Variants in SPHKAP observed in about 807,000 individuals in gnomAD.
SPHKAP encodes the protein SPHK1 interactor, AKAP domain containing.
SPHKAP carries 67 observed loss-of-function variants against 137.5 expected under a neutral mutation model. The ratio of observed to expected loss-of-function variants is 0.49; its 90% confidence interval spans 0.40 to 0.60. The LOEUF is 0.60. SPHKAP is among the 20% of genes least tolerant of loss of function. The pLI, the probability that SPHKAP is intolerant of heterozygous loss-of-function variation, is 0.00. For synonymous variants in SPHKAP, 813 were observed against 785.3 expected (o/e 1.04, Z -0.59); for missense variants, 2,097 against 2,069.3 (o/e 1.01, Z -0.26).
intron 2 of SPHKAP, among the ~76,000 whole-genome samples, chr2:228,111,896 T>A (rs1271756153): frequency 3.3e-5 from 5 of 152,154 alleles, no homozygotes; most frequent in Admixed American, 1.3e-4. Flanking sequence ...GCATCTATTT[T>A]TTTTTGTAAA....
chr2:228,103,974 T>A (rs1281219323), intron 3 of SPHKAP, among the ~76,000 whole-genome samples: 2 of 152,050 alleles, frequency 1.3e-5, no homozygotes, highest in Non-Finnish European at 2.9e-5. Flanking sequence ...GAAACACATG[T>A]ACATGCAGAG....
intron 3 of SPHKAP, among the ~76,000 whole-genome samples, chr2:228,090,980 A>G (rs573133336): frequency 7.2e-5 from 11 of 152,202 alleles, no homozygotes; most frequent in Non-Finnish European, 1.5e-4. Flanking sequence ...GCAGACTAAT[A>G]CATATGGCAG....
intron 2 of SPHKAP, among the ~76,000 whole-genome samples, chr2:228,128,731 C>T (rs1699154674): frequency 6.6e-6 from 1 of 152,110 alleles, no homozygotes. Flanking sequence ...TGTTAGCAGG[C>T]ATGAAAACAT....
intron 1 of SPHKAP, among the ~76,000 whole-genome samples, chr2:228,163,214 GT>G (rs1471711066): frequency 2.0e-5 from 3 of 152,198 alleles, no homozygotes; most frequent in East Asian, 3.9e-4. Flanking sequence ...ACAACCCAAT[GT>G]TTTTCTGGTA....
chr2:228,032,659 T>A (rs1313026490), intron 3 of SPHKAP, among the ~76,000 whole-genome samples: 3 of 152,168 alleles, frequency 2.0e-5, no homozygotes, highest in Non-Finnish European at 4.4e-5. Flanking sequence ...GGGAAGCCCA[T>A]CAGACTAACA....
intron 2 of SPHKAP, among the ~76,000 whole-genome samples, chr2:228,118,115 C>T (rs1419977543): frequency 6.6e-6 from 1 of 151,814 alleles, no homozygotes; most frequent in Non-Finnish European, 1.5e-5. Context: ...TAATACGTAG[C>T]CTTTTATGAC....
chr2:228,108,190 G>A (rs1365322367), intron 3 of SPHKAP, among the ~76,000 whole-genome samples: 1 of 152,110 alleles, frequency 6.6e-6, no homozygotes, highest in Non-Finnish European at 1.5e-5. Flanking sequence ...TTAGAGCTAG[G>A]TGATTTCAAT....
intron 3 of SPHKAP, among the ~76,000 whole-genome samples, 159 bp downstream of exon 3, chr2:228,108,673 A>G (rs1014451716): frequency 6.6e-5 from 10 of 152,176 alleles, no homozygotes; most frequent in Non-Finnish European, 1.5e-4. Context: ...TCTGAATGCT[A>G]TTTTGTTAAC....
In SPHKAP at chr2:228,021,886, T is replaced by G; in HGVS notation, c.522A>C (p.Glu174Asp). The G allele has an allele frequency of 6.2e-7, 1 of 1,614,120 alleles. No individual in the cohort carries two copies. The highest frequency in any genetic ancestry group is 8.5e-7 in the Non-Finnish European group (1 of 1,179,980). The change falls in exon 6 of 12, where the codon GAA becomes GAC. Residue 174 changes from glutamate to aspartate, a missense_variant. Glu to Asp is a conservative substitution (Grantham distance 45). Coordinates refer to ENST00000392056, the MANE Select transcript of SPHKAP (RefSeq NM_001142644.2). Reference protein sequence around the residue: ...RPNSTNCIIFEINKFLIGLEL... With the variant: ...RPNSTNCIIFDINKFLIGLEL... ...CCAGACCAATCAGAAATTTGTTGAT[T>G]TCAAAGATGATGCAGTTGGTACTGT...
intron 2 of SPHKAP, among the ~76,000 whole-genome samples, chr2:228,120,935 G>T (rs1698881912): frequency 6.6e-6 from 1 of 152,172 alleles, no homozygotes; most frequent in Non-Finnish European, 1.5e-5. Flanking sequence ...ATAGAGGACA[G>T]CTGATTAATT....
chr2:228,086,632 C>T (rs965550188), intron 3 of SPHKAP, among the ~76,000 whole-genome samples: 5 of 152,100 alleles, frequency 3.3e-5, no homozygotes, highest in Admixed American at 2.0e-4. Flanking sequence ...GGAAGAGGTT[C>T]CACACTAAGA....
chr2:228,090,461 G>A (rs1407650910), intron 3 of SPHKAP, among the ~76,000 whole-genome samples: 1 of 152,166 alleles, frequency 6.6e-6, no homozygotes, highest in Non-Finnish European at 1.5e-5. Context: ...TGGACTTCGA[G>A]TTGATGCTGA....
intron 3 of SPHKAP, among the ~76,000 whole-genome samples, chr2:228,035,024 T>G (rs1283133308): frequency 7.5e-4 from 112 of 150,292 alleles, no homozygotes; most frequent in African/African-American, 2.7e-3. Flanking sequence ...TTGGAAGTTC[T>G]GGCCAGGGCA....
At chr2:228,096,947 T>A (rs1698006075) in intron 3 of SPHKAP, among the ~76,000 whole-genome samples, 1 of 152,160 alleles carries the variant, frequency 6.6e-6, no homozygotes, top group Non-Finnish European at 1.5e-5. Flanking sequence ...TTTAATTACT[T>A]CTATTTTAAA....
At chr2:228,157,372 A>G (rs2106407945) in intron 1 of SPHKAP, among the ~76,000 whole-genome samples, 2 of 152,334 alleles carry the variant, frequency 1.3e-5, no homozygotes, top group East Asian at 3.9e-4. Context: ...ACACAGCACC[A>G]AAAGTAAATT....
intron 2 of SPHKAP, among the ~76,000 whole-genome samples, chr2:228,122,305 A>G (rs67439829): frequency 0.11 from 16,449 of 152,000 alleles, 1,127 homozygotes; most frequent in East Asian, 0.18. Flanking sequence ...TTTTAAAAAG[A>G]AAAAAGTAAC....
chr2:228,158,371 A>T (rs1700174726), intron 1 of SPHKAP, among the ~76,000 whole-genome samples: 1 of 133,258 alleles, frequency 7.5e-6, no homozygotes, highest in Admixed American at 8.4e-5. Flanking sequence ...TTTACCCCTT[A>T]CAATAGTGCC....
At chr2:227,996,023 A>G in intron 7 of SPHKAP, 1 of 985,396 alleles carries the variant, frequency 1.0e-6, no homozygotes, top group Non-Finnish European at 1.2e-6. Context: ...TACACAAAGC[A>G]TTCACCCGAG....
intron 3 of SPHKAP, among the ~76,000 whole-genome samples, chr2:228,096,053 A>G (rs1367868112): frequency 1.3e-5 from 2 of 152,206 alleles, no homozygotes; most frequent in Non-Finnish European, 2.9e-5. Context: ...AAAATTTTGC[A>G]TGAACATGGG....
Sources: gnomAD v4.1 joint callset for allele counts (sites outside exome capture counted in the v4.1 genomes callset) on GRCh38, gnomAD v4.1.1 for gene constraint, MANE v1.5 for transcripts, NCBI Gene and HGNC (gene_info 2026-07-23, HGNC 2026-07-21) for gene names.